MARK1: variants seen among roughly 807,000 people sequenced by gnomAD.
MARK1 encodes the protein serine/threonine-protein kinase MARK1.
In MARK1, 40 loss-of-function variants were observed where a neutral mutation model predicts 96.3. The observed-to-expected ratio is 0.42, with a 90% CI of 0.32 to 0.54. The LOEUF (loss-of-function observed/expected upper bound fraction) is 0.54, where lower values mean the gene tolerates loss of function less well. Ranked by LOEUF, MARK1 falls within the 20% of genes least tolerant of loss-of-function variation. The pLI is 0.16. For missense variants in MARK1, 719 were observed against 984.6 expected (o/e 0.73, Z 3.61); for synonymous variants, 317 against 341.2 (o/e 0.93, Z 0.78).
chr1:220,627,588 C>T, intron 9 of MARK1: 1 of 287,840 alleles, frequency 3.5e-6, no homozygotes, highest in South Asian at 3.4e-5. Flanking sequence ...AGACAGAAAC[C>T]AAGGCCCTGA....
chr1:220,653,023 T>G, intron 15 of MARK1, 78 bp from the exon 16 acceptor site: 2 of 1,532,822 alleles, frequency 1.3e-6, no homozygotes, highest in Non-Finnish European at 1.8e-6. Context: ...GCCATAGCTA[T>G]TTGTTTCAAG....
At chr1:220,564,342 C>T (rs186561013) in intron 1 of MARK1, among the ~76,000 whole-genome samples, 107 of 152,170 alleles carry the variant, frequency 7.0e-4, no homozygotes, top group African/African-American at 2.3e-3. Flanking sequence ...ATGTTTAATC[C>T]TTTGTTTCAT....
At chr1:220,640,185 G>A (rs1177801785) in intron 13 of MARK1, among the ~76,000 whole-genome samples, 1 of 152,154 alleles carries the variant, frequency 6.6e-6, no homozygotes, top group East Asian at 1.9e-4. Flanking sequence ...AGAATATAAT[G>A]GAAAACATTA....
chr1:220,560,789 T>C (rs552681170), intron 1 of MARK1, among the ~76,000 whole-genome samples: 15 of 152,346 alleles, frequency 9.8e-5, no homozygotes, highest in Admixed American at 4.6e-4. Context: ...CAGGTCATGG[T>C]TGACCTTAGG....
intron 1 of MARK1, among the ~76,000 whole-genome samples, chr1:220,547,050 A>G (rs1431082169): frequency 6.6e-6 from 1 of 152,184 alleles, no homozygotes; most frequent in Non-Finnish European, 1.5e-5. Context: ...TGGATAAGCT[A>G]GTTTATCTTG....
Position 220,618,408 on chromosome 1 carries a change from T to C in MARK1, c.651T>C (p.Cys217=). 1 of 1,614,182 alleles carries C rather than the reference T, an allele frequency of 6.2e-7. No homozygotes were observed. The highest frequency in any genetic ancestry group is 2.2e-5 in the East Asian group (1 of 44,872). ...FTVGNKLDTF[C]GSPPYAAPEL... ...TTGGGAACAAATTGGACACATTTTGTGGAAGCCCACCCTATGCTGCTCCCG... is the reference window on the plus strand; with the variant it reads ...TTGGGAACAAATTGGACACATTTTGCGGAAGCCCACCCTATGCTGCTCCCG... Residue 217 remains cysteine (C), a synonymous_variant, in exon 8 of 18, where the codon TGT becomes TGC. Coordinates refer to ENST00000366917, the MANE Select transcript of MARK1 (RefSeq NM_018650.5). This position sits in a 1 kb window ranked among gnomAD's most constrained non-coding sequence, Gnocchi z 4.6.
intron 1 of MARK1, among the ~76,000 whole-genome samples, chr1:220,547,134 C>T (rs1661556794): frequency 1.3e-5 from 2 of 152,280 alleles, no homozygotes; most frequent in South Asian, 2.1e-4. Flanking sequence ...TACCTGTAAA[C>T]TGTCTTGGGT....
rs1288309386 is a variant in MARK1, at chr1:220,661,837, A to G, written c.2059A>G (p.Arg687Gly). The change falls in exon 18 of 18, where the codon AGA becomes GGA. Residue 687 changes from arginine (R) to glycine (G), a missense_variant. Physicochemically the swap from Arg to Gly is moderately radical, Grantham distance 125. Coordinates refer to ENST00000366917, the MANE Select transcript of MARK1 (RefSeq NM_018650.5). ...AAGTACATCAGGGGAACCAAAAGAAAGAGACAAGGAAGAGGGTAAAGATTC... is the reference window on the plus strand; with the variant it reads ...AAGTACATCAGGGGAACCAAAAGAAGGAGACAAGGAAGAGGGTAAAGATTC... ...SRSTSGEPKE[R>G]DKEEGKDSKP... 2.5e-6 allele frequency: 4 copies of G among 1,609,450 alleles called. No individual in the cohort carries two copies. The African/African-American group carries it at 4.0e-5, about 16-fold the overall frequency.
At chr1:220,533,101 C>T (rs1377653341) in intron 1 of MARK1, among the ~76,000 whole-genome samples, 1 of 152,158 alleles carries the variant, frequency 6.6e-6, no homozygotes, top group Admixed American at 6.5e-5. Flanking sequence ...CCTATCCCTA[C>T]TTCTGAACCT....
chr1:220,652,228 C>A, intron 15 of MARK1, 78 bp downstream of exon 15: 1 of 1,185,674 alleles, frequency 8.4e-7, no homozygotes, highest in African/African-American at 1.5e-5. Flanking sequence ...ACATGATAGT[C>A]ACCATCACAT....
chr1:220,660,457 A>C (rs1005963215), intron 17 of MARK1, among the ~76,000 whole-genome samples: 1 of 152,172 alleles, frequency 6.6e-6, no homozygotes, highest in African/African-American at 2.4e-5. Context: ...TTACACATGA[A>C]TATATATCAT....
intron 6 of MARK1, 37 bp from the exon 7 acceptor site, chr1:220,615,902 T>A (rs1308877536): frequency 5.0e-6 from 6 of 1,195,440 alleles, no homozygotes; most frequent in Non-Finnish European, 7.2e-6. Context: ...TGCGTTTTTT[T>A]AATAATTTGA....
intron 3 of MARK1, among the ~76,000 whole-genome samples, chr1:220,595,393 G>A (rs1665267412): frequency 1.3e-5 from 2 of 152,166 alleles, no homozygotes; most frequent in Admixed American, 1.3e-4. Context: ...TGTTAGCCCT[G>A]TTTGGGAGGT....
chr1:220,644,458 C>A (rs867698832), intron 13 of MARK1, among the ~76,000 whole-genome samples: 10,684 of 142,092 alleles, frequency 0.075, 1,303 homozygotes, highest in African/African-American at 0.26. Flanking sequence ...GACCCCCCCC[C>A]CCCCACACAC....
At chr1:220,576,815 A>C (rs1663885782) in intron 1 of MARK1, 1 of 152,212 alleles carries the variant, frequency 6.6e-6, no homozygotes, top group African/African-American at 2.4e-5. Flanking sequence ...AACGGTAAAC[A>C]CAGACCATGG....
chr1:220,532,225 G>C (rs1367956088), intron 1 of MARK1, among the ~76,000 whole-genome samples: 2 of 152,144 alleles, frequency 1.3e-5, no homozygotes, highest in East Asian at 3.9e-4. Context: ...TCATGGCGGT[G>C]ATTATAATGA....
chr1:220,625,249 C>A (rs971482772), intron 9 of MARK1, among the ~76,000 whole-genome samples: 1 of 152,160 alleles, frequency 6.6e-6, no homozygotes, highest in East Asian at 1.9e-4. Flanking sequence ...AACAGTAACA[C>A]TAGGATATAA....
intron 9 of MARK1, chr1:220,625,808 T>G: frequency 2.2e-6 from 1 of 457,996 alleles, no homozygotes; most frequent in Non-Finnish European, 4.4e-6. Context: ...GAAATTAATA[T>G]TATAGACAAG....
intron 13 of MARK1, 56 bp downstream of exon 13, chr1:220,636,082 T>G (rs993844711): frequency 3.0e-5 from 37 of 1,239,318 alleles, no homozygotes; most frequent in Non-Finnish European, 3.9e-5. Flanking sequence ...TTTAGGGTTA[T>G]GTGTAAAATT....
Sources: gnomAD v4.1 joint callset for allele counts (sites outside exome capture counted in the v4.1 genomes callset) on GRCh38, gnomAD v4.1.1 for gene constraint, Gnocchi (gnomAD v3.1) non-coding constraint, MANE v1.5 for transcripts, NCBI Gene and HGNC (gene_info 2026-07-23, HGNC 2026-07-21) for gene names.